PRDM2: variants seen among roughly 807,000 people sequenced by gnomAD.
PRDM2 encodes PR domain zinc finger protein 2.
PRDM2 carries 30 observed loss-of-function variants against 130.0 expected under a neutral mutation model. That is an observed-to-expected ratio of 0.23 (90% CI 0.17 to 0.31). The LOEUF (loss-of-function observed/expected upper bound fraction) is 0.31. PRDM2 is among the 10% of genes least tolerant of loss of function. PRDM2 has a pLI of 1.00. For synonymous variants in PRDM2, 871 were observed against 782.4 expected (o/e 1.11, Z -1.89); for missense variants, 2,011 against 2,108.4 (o/e 0.95, Z 0.90).
intron 1 of PRDM2, among the ~76,000 whole-genome samples, chr1:13,701,196 A>G (rs1642064174): frequency 6.6e-6 from 1 of 152,146 alleles, no homozygotes; most frequent in Non-Finnish European, 1.5e-5. Flanking sequence ...TTAGTGTTGT[A>G]TTGAGATTTT....
At chr1:13,791,848 GCCTT>G (rs1644844707) in intron 8 of PRDM2, among the ~76,000 whole-genome samples, 1 of 152,178 alleles carries the variant, frequency 6.6e-6, no homozygotes. Flanking sequence ...CTGCATTTCT[GCCTT>G]CCTTATGTCA....
Position 13,781,263 on chromosome 1 carries a change from T to C in PRDM2, c.3468T>C (p.His1156=). Residue 1156 remains histidine, a synonymous_variant, in exon 8 of 10, where the codon CAT becomes CAC. Coordinates refer to ENST00000311066, the MANE Select transcript of PRDM2 (RefSeq NM_001393986.1). This position sits in a 1 kb window ranked among gnomAD's most constrained non-coding sequence, Gnocchi z 6.1. The part of the protein sequence containing the change: ...IKDLTKHLSI[H]AEEWPFKCEF... ...ATCTAACCAAACATTTATCTATTCA[T>C]GCTGAAGAATGGCCCTTCAAATGTG... 6.2e-7 allele frequency: 1 copy of C among 1,614,274 alleles called. No individual in the cohort carries two copies. Among genetic ancestry groups the C allele is most frequent in the East Asian group, 2.2e-5 (1 of 44,892 alleles).
intron 2 of PRDM2, among the ~76,000 whole-genome samples, chr1:13,717,014 A>T (rs1231986076): frequency 6.6e-6 from 1 of 152,172 alleles, no homozygotes; most frequent in Non-Finnish European, 1.5e-5. Flanking sequence ...AGTTTAATAC[A>T]TTCAGTCCTG....
At chr1:13,767,713 A>C (rs1031288712) in intron 6 of PRDM2, among the ~76,000 whole-genome samples, 2 of 152,146 alleles carry the variant, frequency 1.3e-5, no homozygotes, top group Admixed American at 1.3e-4. Context: ...CCGTGACTAC[A>C]TCTGTAATCC....
intron 5 of PRDM2, among the ~76,000 whole-genome samples, chr1:13,744,718 T>A (rs1010458345): frequency 2.6e-5 from 4 of 152,238 alleles, no homozygotes; most frequent in African/African-American, 4.8e-5. Flanking sequence ...GCTATACTAG[T>A]ACTATTATTT....
In PRDM2 at chr1:13,729,193, C is replaced by T. The variant is rs186620926; in HGVS notation, c.10-1807C>T. On this transcript the variant is annotated intron_variant, in intron 2 of 9. Coordinates refer to ENST00000311066, the MANE Select transcript of PRDM2 (RefSeq NM_001393986.1). ...ATGTAAGACAGCACAGTGCCTTGAG[C>T]GAGGAAGTTCTCAGTAAATACGAAG... Among the ~76,000 whole-genome samples, 571 of 152,214 alleles carry T rather than the reference C, an allele frequency of 3.8e-3. 4 individuals carry two copies. Among genetic ancestry groups the T allele is most frequent in the African/African-American group, 0.013 (543 of 41,530 alleles).
At chr1:13,769,665 T>C (rs920769644) in intron 6 of PRDM2, among the ~76,000 whole-genome samples, 1 of 152,232 alleles carries the variant, frequency 6.6e-6, no homozygotes, top group African/African-American at 2.4e-5. Flanking sequence ...GATATAGACT[T>C]GTGATAGACT....
chr1:13,796,770 A>G (rs559164962), intron 8 of PRDM2, among the ~76,000 whole-genome samples: 1 of 152,280 alleles, frequency 6.6e-6, no homozygotes, highest in African/African-American at 2.4e-5. Context: ...CCAAAAACCA[A>G]AACACAATAG....
chr1:13,779,528 A>G lies in PRDM2; in HGVS notation c.1733A>G (p.Asn578Ser), dbSNP rs754556885. The change falls in exon 8 of 10, where the codon AAC (asparagine) becomes AGC (serine). Residue 578 changes from asparagine to serine, a missense_variant. By Grantham distance (46) the Asn-to-Ser change is conservative. This residue lies in a region of PRDM2 where 1,288 missense variants were observed against 1,237.7 expected (regional missense o/e 1.04). Coordinates refer to ENST00000311066, the MANE Select transcript of PRDM2 (RefSeq NM_001393986.1). This position sits in a 1 kb window ranked among gnomAD's most constrained non-coding sequence, Gnocchi z 4.9. ...ATTGATGGTAAAATTCAAACTAATAACAACACTAGTAACTGTGATGTGATT... is the reference window on the plus strand; with the variant it reads ...ATTGATGGTAAAATTCAAACTAATAGCAACACTAGTAACTGTGATGTGATT... The part of the protein sequence containing the change: ...YYIDGKIQTN[N>S]NTSNCDVIEM... The G allele has an allele frequency of 1.2e-6, 2 of 1,613,766 alleles. No homozygotes were observed. Among genetic ancestry groups the G allele is most frequent in the South Asian group, 1.1e-5 (1 of 91,082 alleles).
chr1:13,717,221 G>A (rs551979068), intron 2 of PRDM2, among the ~76,000 whole-genome samples: 80 of 152,320 alleles, frequency 5.3e-4, no homozygotes, highest in Non-Finnish European at 1.0e-3. Flanking sequence ...TTGAAATGGT[G>A]AGATGGGGGA....
Position 13,737,505 on chromosome 1 carries a change from G to C in PRDM2, c.232-4500G>C, listed in dbSNP as rs2294485. Reference sequence around the variant, plus strand: ...GTTTGCTGAGCCCTGGTCTTGATGTGTAGGGAAGAGTAGCAGTAGGAGTGA... The same window carrying C: ...GTTTGCTGAGCCCTGGTCTTGATGTCTAGGGAAGAGTAGCAGTAGGAGTGA... On this transcript the variant is annotated intron_variant, in intron 4 of 9. Transcript: ENST00000311066. Among the ~76,000 whole-genome samples, 965 of 152,298 alleles carry C rather than the reference G, an allele frequency of 6.3e-3. 28 individuals are homozygous for C. The highest frequency in any genetic ancestry group is 0.055 in the East Asian group (283 of 5,184).
chr1:13,758,425 C>T (rs917235380), intron 6 of PRDM2, among the ~76,000 whole-genome samples: 1 of 141,816 alleles, frequency 7.1e-6, no homozygotes, highest in Non-Finnish European at 1.5e-5. Context: ...CCAGCCTGGG[C>T]AGCAGAGTGA....
At chr1:13,768,222 A>G (rs968252777) in intron 6 of PRDM2, among the ~76,000 whole-genome samples, 1 of 137,784 alleles carries the variant, frequency 7.3e-6, no homozygotes. Flanking sequence ...GGACTATACT[A>G]CAGGCGCCCA....
At position 13,806,487 on chromosome 1, in the gene PRDM2, T is replaced by A. The variant is rs147421398; in HGVS notation, c.5037-9940T>A. 6.6e-6 allele frequency among the ~76,000 whole-genome samples: 1 copy of A among 152,262 alleles called. No homozygotes were observed. Among genetic ancestry groups the A allele is most frequent in the Non-Finnish European group, 1.5e-5 (1 of 68,026 alleles). ...AAACTGTCTCTCCATGAAGCCTCCCTCTCCTGCTGTCCTCCCTATGTGGGA... is the reference window on the plus strand; with the variant it reads ...AAACTGTCTCTCCATGAAGCCTCCCACTCCTGCTGTCCTCCCTATGTGGGA... On this transcript the variant is annotated intron_variant, in intron 8 of 9. Transcript: ENST00000311066. This position sits in a 1 kb window ranked among gnomAD's most constrained non-coding sequence, Gnocchi z 4.1.
At chr1:13,784,226 A>G (rs1644686846) in intron 8 of PRDM2, among the ~76,000 whole-genome samples, 1 of 152,220 alleles carries the variant, frequency 6.6e-6, no homozygotes, top group Non-Finnish European at 1.5e-5. Context: ...CTGTGTTATC[A>G]GCTGTCAAAG....
intron 2 of PRDM2, among the ~76,000 whole-genome samples, chr1:13,728,939 C>A (rs768871280): frequency 1.4e-4 from 22 of 152,124 alleles, no homozygotes; most frequent in Non-Finnish European, 2.9e-4. Flanking sequence ...CCATGGAAAT[C>A]TGGAAGTTTT....
Position 13,782,631 on chromosome 1 carries a change from C to T in PRDM2, c.4836C>T (p.His1612=), listed in dbSNP as rs375946017. The T allele has an allele frequency of 2.1e-5, 34 of 1,614,006 alleles. No individual in the cohort carries two copies. The highest frequency in any genetic ancestry group is 8.3e-5 in the Admixed American group (5 of 60,010). The change falls in exon 8 of 10, where the codon CAC becomes CAT. Residue 1612 remains histidine, a synonymous_variant. Transcript: ENST00000311066. ...QLSSKTSRSL[H]VRVQKSKAVL... ...CCAGCAAAACATCACGGAGCCTGCACGTGAGGGTACAGAAAAGCAAAGCTG... is the reference window on the plus strand; with the variant it reads ...CCAGCAAAACATCACGGAGCCTGCATGTGAGGGTACAGAAAAGCAAAGCTG...
chr1:13,746,564 ATTTATTTT>A (rs1288759216), intron 5 of PRDM2, among the ~76,000 whole-genome samples: 1 of 133,232 alleles, frequency 7.5e-6, no homozygotes, highest in Admixed American at 8.4e-5. Flanking sequence ...TTATTTATTT[ATTTATTTT>A]TTAAGATAGG....
chr1:13,822,243 G>A (rs752822643), intron 9 of PRDM2, among the ~76,000 whole-genome samples: 5 of 152,008 alleles, frequency 3.3e-5, no homozygotes, highest in African/African-American at 9.7e-5. Context: ...CAGCATTTCC[G>A]CTCAGCACAA....
Sources: allele counts gnomAD v4.1 joint callset (sites outside exome capture counted in the v4.1 genomes callset), GRCh38; gene constraint gnomAD v4.1.1; regional missense constraint gnomAD v4.1.1; non-coding constraint Gnocchi (gnomAD v3.1); transcripts MANE v1.5; gene names NCBI Gene and HGNC (gene_info 2026-07-23, HGNC 2026-07-21).